Variants in GLDN observed in about 807,000 individuals in gnomAD.
GLDN encodes the protein gliomedin.
Under a neutral mutation model 56.5 loss-of-function variants are expected in GLDN, and 47 were observed. The observed-to-expected ratio is 0.83, with a 90% CI of 0.66 to 1.06. The LOEUF is 1.06. Ranked by LOEUF, GLDN falls within the 50% of genes least tolerant of loss-of-function variation. The pLI, the probability that GLDN is intolerant of heterozygous loss-of-function variation, is 0.00. For synonymous variants in GLDN, 332 were observed against 278.8 expected (o/e 1.19, Z -1.90); for missense variants, 782 against 714.3 (o/e 1.09, Z -1.08).
chr15:51,361,634 G>A (rs987411430), intron 1 of GLDN, among the ~76,000 whole-genome samples: 1 of 152,152 alleles, frequency 6.6e-6, no homozygotes, highest in Admixed American at 6.5e-5. Context: ...ACTATTGTAG[G>A]TACTCAAGAA....
At chr15:51,380,554 G>A (rs965330021) in intron 2 of GLDN, among the ~76,000 whole-genome samples, 7 of 152,186 alleles carry the variant, frequency 4.6e-5, no homozygotes, top group African/African-American at 1.2e-4. Flanking sequence ...AGGACATCCC[G>A]CCATCACCAT....
At chr15:51,362,143 C>T (rs1418770182) in intron 1 of GLDN, among the ~76,000 whole-genome samples, 1 of 152,102 alleles carries the variant, frequency 6.6e-6, no homozygotes, top group Non-Finnish European at 1.5e-5. Context: ...GTTGAGAGAG[C>T]TCAGGGAAGG....
At chr15:51,368,908 A>T (rs2141075003) in intron 1 of GLDN, 2 of 152,328 alleles carry the variant, frequency 1.3e-5, no homozygotes, top group Non-Finnish European at 2.9e-5. Flanking sequence ...GGGGGCAGGG[A>T]ATCAGTAAGA....
intron 4 of GLDN, 175 bp downstream of exon 4, chr15:51,384,067 T>C (rs1260058511): frequency 1.5e-6 from 1 of 674,158 alleles, no homozygotes; most frequent in Non-Finnish European, 2.7e-6. Flanking sequence ...GTATACTTCT[T>C]GGTCCCACCT....
chr15:51,392,364 C>T (rs865943872), intron 4 of GLDN, among the ~76,000 whole-genome samples: 1 of 152,278 alleles, frequency 6.6e-6, no homozygotes, highest in African/African-American at 2.4e-5. Flanking sequence ...ATTAGATTCT[C>T]ATAGGAGTGC....
chr15:51,392,529 T>A (rs2038045234), intron 4 of GLDN, among the ~76,000 whole-genome samples: 1 of 152,208 alleles, frequency 6.6e-6, no homozygotes, highest in South Asian at 2.1e-4. Context: ...TACAATGTAA[T>A]AATAGAAATA....
chr15:51,411,741 C>T (rs1211482103), downstream of GLDN, among the ~76,000 whole-genome samples: 8 of 152,180 alleles, frequency 5.3e-5, no homozygotes, highest in African/African-American at 1.9e-4. Flanking sequence ...AAACTTTTGA[C>T]AAGCATCTTT....
chr15:51,359,630 G>A (rs539810452), intron 1 of GLDN, among the ~76,000 whole-genome samples: 21 of 152,228 alleles, frequency 1.4e-4, no homozygotes, highest in African/African-American at 5.1e-4. Context: ...CATAACACAG[G>A]GAAAGGAAGA....
At chr15:51,353,057 T>C (rs910393684) in intron 1 of GLDN, among the ~76,000 whole-genome samples, 4 of 152,156 alleles carry the variant, frequency 2.6e-5, no homozygotes, top group African/African-American at 9.7e-5. Context: ...AAACATAAGA[T>C]TGGTATTCAA....
intron 8 of GLDN, among the ~76,000 whole-genome samples, 164 bp from the exon 9 acceptor site, chr15:51,401,429 T>C (rs1382990309): frequency 6.6e-6 from 1 of 152,168 alleles, no homozygotes; most frequent in East Asian, 1.9e-4. Flanking sequence ...ATATGGAGAA[T>C]TGGACTTTGA....
chr15:51,385,484 C>T (rs1341294761), intron 4 of GLDN: 2 of 152,172 alleles, frequency 1.3e-5, no homozygotes, highest in African/African-American at 2.4e-5. Flanking sequence ...AATAAGCCCC[C>T]CTCCTCCACC....
At chr15:51,375,445 T>G (rs2037610012) in intron 1 of GLDN, among the ~76,000 whole-genome samples, 1 of 152,296 alleles carries the variant, frequency 6.6e-6, no homozygotes, top group Non-Finnish European at 1.5e-5. Flanking sequence ...AACAAAAGTA[T>G]GTTATATGTG....
intron 2 of GLDN, among the ~76,000 whole-genome samples, chr15:51,378,084 A>C (rs2037674636): frequency 6.6e-6 from 1 of 152,154 alleles, no homozygotes; most frequent in Non-Finnish European, 1.5e-5. Context: ...CTTTTTCCCC[A>C]ATATTTCCCC....
intron 2 of GLDN, among the ~76,000 whole-genome samples, chr15:51,378,619 G>A (rs1042307128): frequency 6.6e-6 from 1 of 152,134 alleles, no homozygotes; most frequent in Non-Finnish European, 1.5e-5. Context: ...GCAGAGAGTG[G>A]GGAACGACGT....
At chr15:51,343,707 C>T (rs777848043) in intron 1 of GLDN, among the ~76,000 whole-genome samples, 13 of 152,102 alleles carry the variant, frequency 8.5e-5, no homozygotes, top group Non-Finnish European at 1.9e-4. Context: ...ATGTTTTGAC[C>T]TTTTAGAGTC....
intron 1 of GLDN, among the ~76,000 whole-genome samples, chr15:51,361,531 A>G (rs1397432410): frequency 6.6e-6 from 1 of 152,190 alleles, no homozygotes; most frequent in African/African-American, 2.4e-5. Flanking sequence ...AGATGACATC[A>G]GGTATGGGTA....
intron 1 of GLDN, among the ~76,000 whole-genome samples, chr15:51,373,391 T>G (rs1408509571): frequency 6.6e-6 from 1 of 152,214 alleles, no homozygotes; most frequent in African/African-American, 2.4e-5. Flanking sequence ...AATCCATGTT[T>G]GGTTGCGGAT....
chr15:51,398,696 A>G (rs2038187123), intron 6 of GLDN, among the ~76,000 whole-genome samples: 1 of 152,240 alleles, frequency 6.6e-6, no homozygotes, highest in African/African-American at 2.4e-5. Flanking sequence ...GAGCCTGATT[A>G]TAATTCTGCA....
At chr15:51,384,149 G>T (rs2037836956) in intron 4 of GLDN, 1 of 466,994 alleles carries the variant, frequency 2.1e-6, no homozygotes, top group Non-Finnish European at 3.9e-6. Context: ...CTGCAGATGG[G>T]AGGTGGAAGG....
Sources: gnomAD v4.1 joint callset for allele counts (sites outside exome capture counted in the v4.1 genomes callset) on GRCh38, gnomAD v4.1.1 for gene constraint, MANE v1.5 for transcripts, NCBI Gene and HGNC (gene_info 2026-07-23, HGNC 2026-07-21) for gene names.